Variants in ABTB3 observed in about 807,000 individuals in gnomAD.
ABTB3 encodes the protein ankyrin repeat and BTB domain containing 3.
chr12:107,499,615 T>G, the ABTB3 span, among the ~76,000 whole-genome samples: 2 of 151,956 alleles, frequency 1.3e-5, no homozygotes, highest in South Asian at 4.2e-4. Flanking sequence ...AAACTTACAA[T>G]CATGCTGGAA....
At chr12:107,610,331 T>A in the ABTB3 span, 1 of 1,614,074 alleles carries the variant, frequency 6.2e-7, no homozygotes, top group South Asian at 1.1e-5. Flanking sequence ...TGGGGCCCGA[T>A]GGGATCAACA....
the ABTB3 span, among the ~76,000 whole-genome samples, chr12:107,335,005 G>A: frequency 1.3e-5 from 2 of 152,130 alleles, no homozygotes; most frequent in Admixed American, 1.3e-4. Context: ...CAGCATTGAG[G>A]CCAGGTGCAG....
chr12:107,547,526 C>T, the ABTB3 span, among the ~76,000 whole-genome samples: 3 of 152,150 alleles, frequency 2.0e-5, no homozygotes, highest in Non-Finnish European at 2.9e-5. Context: ...TAAAGAGGCA[C>T]GAGCAGGGAA....
At chr12:107,416,607 G>A in the ABTB3 span, among the ~76,000 whole-genome samples, 1 of 152,140 alleles carries the variant, frequency 6.6e-6, no homozygotes, top group Non-Finnish European at 1.5e-5. Flanking sequence ...GCAGTTGGTT[G>A]TCTGGCCCTG....
At chr12:107,502,513 C>T in the ABTB3 span, among the ~76,000 whole-genome samples, 37 of 152,174 alleles carry the variant, frequency 2.4e-4, no homozygotes, top group South Asian at 2.3e-3. Flanking sequence ...ACCCTCAAAA[C>T]GGCCACAGTA....
the ABTB3 span, among the ~76,000 whole-genome samples, chr12:107,554,394 A>G: frequency 6.6e-6 from 1 of 152,072 alleles, no homozygotes; most frequent in Non-Finnish European, 1.5e-5. Context: ...GAATATTCAG[A>G]GCTCTAATAC....
At chr12:107,504,299 G>A in the ABTB3 span, among the ~76,000 whole-genome samples, 2 of 151,730 alleles carry the variant, frequency 1.3e-5, no homozygotes, top group African/African-American at 4.8e-5. Flanking sequence ...ATGCTTTTAC[G>A]TGCCATTAAC....
chr12:107,384,406 C>T, the ABTB3 span, among the ~76,000 whole-genome samples: 1,802 of 152,224 alleles, frequency 0.012, 40 homozygotes, highest in African/African-American at 0.04. Flanking sequence ...AATAGGTTAG[C>T]TGAGAGAGCC....
the ABTB3 span, among the ~76,000 whole-genome samples, chr12:107,336,323 T>C: frequency 1.3e-5 from 2 of 152,222 alleles, no homozygotes; most frequent in African/African-American, 4.8e-5. Context: ...CAGTTTAAGT[T>C]ACTTACCCAC....
At chr12:107,400,903 G>C in the ABTB3 span, among the ~76,000 whole-genome samples, 8 of 152,136 alleles carry the variant, frequency 5.3e-5, no homozygotes, top group African/African-American at 1.4e-4. Context: ...TAAGCAGCCT[G>C]GTTTCGAAAG....
the ABTB3 span, among the ~76,000 whole-genome samples, chr12:107,338,878 A>G: frequency 2.0e-3 from 304 of 152,260 alleles, 1 homozygote; most frequent in African/African-American, 6.7e-3. Context: ...TGCAGTGGCT[A>G]TTCACGGGTA....
chr12:107,522,668 G>C, the ABTB3 span, among the ~76,000 whole-genome samples: 1 of 151,236 alleles, frequency 6.6e-6, no homozygotes, highest in South Asian at 2.1e-4. Flanking sequence ...TTGGCATATA[G>C]TAGGCCCTCA....
chr12:107,612,434 G>A, the ABTB3 span, among the ~76,000 whole-genome samples: 1 of 152,216 alleles, frequency 6.6e-6, no homozygotes. Context: ...AGATAGCTTA[G>A]GGCTGATATT....
chr12:107,319,040 TTGTC>T, the ABTB3 span: 4 of 1,613,808 alleles, frequency 2.5e-6, no homozygotes, highest in Middle Eastern at 1.7e-4. Flanking sequence ...CTCCTCCAAC[TTGTC>T]TTTGTGCTGT....
the ABTB3 span, among the ~76,000 whole-genome samples, chr12:107,570,202 C>T: frequency 3.3e-5 from 5 of 151,248 alleles, no homozygotes; most frequent in East Asian, 1.9e-4. Context: ...TAAATATATT[C>T]GTTGTTAACT....
chr12:107,508,451 T>G, the ABTB3 span, among the ~76,000 whole-genome samples: 36 of 121,862 alleles, frequency 3.0e-4, 1 homozygote, highest in Admixed American at 1.6e-3. Flanking sequence ...TTTTTTTTTT[T>G]TTTTTTTTTT....
the ABTB3 span, among the ~76,000 whole-genome samples, chr12:107,328,909 T>C: frequency 2.0e-5 from 3 of 152,186 alleles, no homozygotes; most frequent in African/African-American, 4.8e-5. Flanking sequence ...ATGATTGTCC[T>C]TGCGCATAAT....
chr12:107,419,909 A>C, the ABTB3 span, among the ~76,000 whole-genome samples: 3 of 152,194 alleles, frequency 2.0e-5, no homozygotes, highest in African/African-American at 7.2e-5. Flanking sequence ...CAGACACAGC[A>C]CTGTGACCTG....
chr12:107,560,696 C>T, the ABTB3 span, among the ~76,000 whole-genome samples: 3 of 152,256 alleles, frequency 2.0e-5, no homozygotes, highest in East Asian at 1.9e-4. Context: ...TAGGGATTGC[C>T]GGTAATCTCC....
Sources: gnomAD v4.1 joint callset for allele counts (sites outside exome capture counted in the v4.1 genomes callset) on GRCh38, gnomAD v4.1.1 for gene constraint, MANE v1.5 for transcripts, NCBI Gene and HGNC (gene_info 2026-07-23, HGNC 2026-07-21) for gene names.